ZNF789: variants seen among roughly 807,000 people sequenced by gnomAD.
The protein encoded by ZNF789 is zinc finger protein 789.
Under a neutral mutation model 15.6 loss-of-function variants are expected in ZNF789, and 11 were observed. The ratio of observed to expected loss-of-function variants is 0.70; its 90% confidence interval spans 0.44 to 1.16. The LOEUF (loss-of-function observed/expected upper bound fraction) is 1.16. ZNF789 is among the 50% of genes most tolerant of loss of function. The pLI is 0.00. For synonymous variants in ZNF789, 159 were observed against 176.0 expected (o/e 0.90, Z 0.76); for missense variants, 461 against 512.6 (o/e 0.90, Z 0.97).
At chr7:99,478,172 G>T in intron 2 of ZNF789, 1 of 785,874 alleles carries the variant, frequency 1.3e-6, no homozygotes. Context: ...CTAAAAATCA[G>T]TTTCCAAGAA....
At chr7:99,476,947 C>A (rs1261685347) in intron 2 of ZNF789, among the ~76,000 whole-genome samples, 1 of 152,088 alleles carries the variant, frequency 6.6e-6, no homozygotes. Flanking sequence ...AGGAACTTCT[C>A]ATAATAAATT....
At chr7:99,478,694 A>C in intron 2 of ZNF789, 1 of 314,576 alleles carries the variant, frequency 3.2e-6, no homozygotes, top group Non-Finnish European at 6.4e-6. Flanking sequence ...TGGAGGGGGC[A>C]GTCACTTGCA....
chr7:99,486,434 C>A (rs760219796), intron 4 of ZNF789, 42 bp from the exon 5 acceptor site: 2 of 1,551,652 alleles, frequency 1.3e-6, no homozygotes, highest in Non-Finnish European at 1.7e-6. Flanking sequence ...TTTTCTTCTG[C>A]AGTGGATAGG....
intron 3 of ZNF789, chr7:99,480,618 T>C (rs1424462580): frequency 6.6e-6 from 1 of 152,240 alleles, no homozygotes; most frequent in African/African-American, 2.4e-5. Flanking sequence ...TAGATTTACA[T>C]TCCAAAGGCT....
At chr7:99,473,192 T>C (rs989402897) in intron 1 of ZNF789, 136 bp downstream of exon 1, 1 of 152,080 alleles carries the variant, frequency 6.6e-6, no homozygotes, top group East Asian at 1.9e-4. Context: ...CTTTTGAGTA[T>C]TTTTGGCGGT....
chr7:99,485,506 T>A, intron 4 of ZNF789: 1 of 486,062 alleles, frequency 2.1e-6, no homozygotes, highest in Non-Finnish European at 3.6e-6. Context: ...TTTGTCCATT[T>A]TTAAGCAGAT....
At chr7:99,475,207 A>G (rs1438731138) in intron 1 of ZNF789, among the ~76,000 whole-genome samples, 1 of 152,114 alleles carries the variant, frequency 6.6e-6, no homozygotes, top group Non-Finnish European at 1.5e-5. Flanking sequence ...AGCCTGACCA[A>G]CATGGTGAAA....
intron 3 of ZNF789, chr7:99,480,855 AC>A (rs1290652678): frequency 6.6e-6 from 1 of 152,034 alleles, no homozygotes; most frequent in Non-Finnish European, 1.5e-5. Context: ...CACATGTTTA[AC>A]CCTTGCACTG....
At chr7:99,477,891 T>C in intron 2 of ZNF789, among the ~76,000 whole-genome samples, 1 of 152,184 alleles carries the variant, frequency 6.6e-6, no homozygotes, top group African/African-American at 2.4e-5. Context: ...GAGGTTGCAG[T>C]GAGCCGAGAT....
chr7:99,486,682 C>G lies in ZNF789; in HGVS notation c.472C>G (p.Leu158Val). 6.2e-7 allele frequency: 1 copy of G among 1,614,172 alleles called. No homozygotes were observed. The highest frequency in any genetic ancestry group is 8.5e-7 in the Non-Finnish European group (1 of 1,180,048). Reference sequence around the variant, plus strand: ...ATACAGCAGGGGCTTCCTTCAAAACCTTAACCTTATTCAAGATCAGAATGC... The same window carrying G: ...ATACAGCAGGGGCTTCCTTCAAAACGTTAACCTTATTCAAGATCAGAATGC... ...DEYSRGFLQN[L>V]NLIQDQNAQT... is the part of the protein sequence containing the mutation. Residue 158 changes from leucine to valine, a missense_variant, in exon 5 of 5, where the codon CTT becomes GTT. Coordinates refer to ENST00000331410, the MANE Select transcript of ZNF789 (RefSeq NM_213603.3).
chr7:99,482,718 G>A (rs890568974), intron 3 of ZNF789, among the ~76,000 whole-genome samples: 4 of 152,044 alleles, frequency 2.6e-5, no homozygotes, highest in Non-Finnish European at 5.9e-5. Flanking sequence ...GTCAGGCGTG[G>A]TGGCACATGC....
intron 3 of ZNF789, 178 bp downstream of exon 3, chr7:99,479,965 T>A: frequency 1.3e-6 from 1 of 747,920 alleles, no homozygotes; most frequent in Non-Finnish European, 2.0e-6. Flanking sequence ...GACTTCATCC[T>A]ATAGGAAACC....
At chr7:99,485,203 T>C (rs997047869) in intron 4 of ZNF789, 3 of 1,536,086 alleles carry the variant, frequency 2.0e-6, no homozygotes, top group Non-Finnish European at 2.6e-6. Flanking sequence ...TGTGTCCCGA[T>C]GCAGCTGCTC....
chr7:99,483,863 T>C, intron 3 of ZNF789, 167 bp from the exon 4 acceptor site: 1 of 786,544 alleles, frequency 1.3e-6, no homozygotes, highest in Non-Finnish European at 2.4e-6. Flanking sequence ...GGTATGAACA[T>C]TGTTCAGGCT....
intron 2 of ZNF789, among the ~76,000 whole-genome samples, chr7:99,477,674 A>G (rs560260561): frequency 2.0e-5 from 3 of 151,324 alleles, no homozygotes; most frequent in African/African-American, 7.3e-5. Context: ...GGAGAGGACC[A>G]GTGGCTCATG....
chr7:99,486,421 T>C, intron 4 of ZNF789, 55 bp from the exon 5 acceptor site: 1 of 1,500,788 alleles, frequency 6.7e-7, no homozygotes, highest in Non-Finnish European at 8.9e-7. Context: ...CTTCTCTTCC[T>C]TTTTTTCTTC....
In ZNF789 at chr7:99,486,679, A is replaced by G. The variant is rs772706933; in HGVS notation, c.469A>G (p.Asn157Asp). 6.2e-7 allele frequency: 1 copy of G among 1,614,206 alleles called. No homozygotes were observed. Among genetic ancestry groups the G allele is most frequent in the South Asian group, 1.1e-5 (1 of 91,088 alleles). ...TGAATACAGCAGGGGCTTCCTTCAA[A>G]ACCTTAACCTTATTCAAGATCAGAA... ...GDEYSRGFLQ[N>D]LNLIQDQNAQ... The change falls in exon 5 of 5, where the codon AAC becomes GAC. Residue 157 changes from asparagine (N) to aspartate (D), a missense_variant. Transcript: ENST00000331410.
chr7:99,475,806 C>CTTTTTTT (rs59681284), intron 1 of ZNF789, among the ~76,000 whole-genome samples: 2 of 128,370 alleles, frequency 1.6e-5, no homozygotes, highest in African/African-American at 3.1e-5. Flanking sequence ...TTTTTTCTTT[C>CTTTTTTT]TTTTTTTTTT....
intron 3 of ZNF789, chr7:99,480,480 T>C (rs927328701): frequency 4.5e-4 from 69 of 152,214 alleles, no homozygotes; most frequent in African/African-American, 1.6e-3. Context: ...TCCTAAGGGT[T>C]TCACATAAGG....
Sources: allele counts gnomAD v4.1 joint callset (sites outside exome capture counted in the v4.1 genomes callset), GRCh38; gene constraint gnomAD v4.1.1; transcripts MANE v1.5; gene names NCBI Gene and HGNC (gene_info 2026-07-23, HGNC 2026-07-21).